CNTNAP2: variants seen among roughly 807,000 people sequenced by gnomAD.
CNTNAP2 encodes the protein contactin associated protein 2, also known as contactin-associated protein-like 2.
A neutral mutation model predicts 155.2 loss-of-function variants in CNTNAP2; 98 were observed. That is an observed-to-expected ratio of 0.63 (90% CI 0.54 to 0.75). The LOEUF (loss-of-function observed/expected upper bound fraction) is 0.75. Ranked by LOEUF, CNTNAP2 falls within the 30% of genes least tolerant of loss-of-function variation. CNTNAP2 has a pLI of 0.00. For synonymous variants in CNTNAP2, 651 were observed against 631.2 expected (o/e 1.03, Z -0.47); for missense variants, 1,727 against 1,688.1 (o/e 1.02, Z -0.40).
chr7:146,693,657 G>A (rs1318342790), intron 1 of CNTNAP2, among the ~76,000 whole-genome samples: 2 of 151,998 alleles, frequency 1.3e-5, no homozygotes, highest in Non-Finnish European at 2.9e-5. Context: ...ACTGACATTA[G>A]TATTTTTATC....
At chr7:147,011,444 A>AAG (rs1554424732) in intron 3 of CNTNAP2, among the ~76,000 whole-genome samples, 4,073 of 127,660 alleles carry the variant, frequency 0.032, 620 homozygotes, top group Middle Eastern at 0.08. Context: ...AAAAAAAAAA[A>AAG]GGAACAAGGT....
At chr7:146,677,210 A>G (rs1049123567) in intron 1 of CNTNAP2, among the ~76,000 whole-genome samples, 3 of 152,158 alleles carry the variant, frequency 2.0e-5, no homozygotes, top group African/African-American at 7.2e-5. Flanking sequence ...GAGGCTTCCA[A>G]ACTGGAAGTG....
At chr7:147,401,772 C>G (rs1796917862) in intron 10 of CNTNAP2, among the ~76,000 whole-genome samples, 3 of 152,140 alleles carry the variant, frequency 2.0e-5, no homozygotes, top group South Asian at 4.1e-4. Context: ...TTCACTCACT[C>G]TCTCTCCTGC....
At chr7:147,910,912 C>T (rs2116763603) in intron 14 of CNTNAP2, among the ~76,000 whole-genome samples, 1 of 152,250 alleles carries the variant, frequency 6.6e-6, no homozygotes, top group South Asian at 2.1e-4. Flanking sequence ...CACCTGTGTA[C>T]TATATACAGC....
intron 1 of CNTNAP2, among the ~76,000 whole-genome samples, chr7:146,473,374 G>C (rs1290974206): frequency 6.6e-6 from 1 of 152,036 alleles, no homozygotes; most frequent in African/African-American, 2.4e-5. Context: ...ATGCTTTTCT[G>C]GCTTTTTTCT....
At chr7:146,760,680 C>T (rs1802082350) in intron 1 of CNTNAP2, among the ~76,000 whole-genome samples, 1 of 151,928 alleles carries the variant, frequency 6.6e-6, no homozygotes, top group Non-Finnish European at 1.5e-5. Flanking sequence ...CTGACTTGTC[C>T]TCCCAAAGTG....
chr7:147,800,369 T>G (rs969684177), intron 13 of CNTNAP2, among the ~76,000 whole-genome samples: 2 of 152,114 alleles, frequency 1.3e-5, no homozygotes, highest in African/African-American at 2.4e-5. Flanking sequence ...AAATGAGATT[T>G]TTTTTTTGAC....
chr7:147,042,887 A>C (rs1480777019), intron 3 of CNTNAP2, among the ~76,000 whole-genome samples: 1 of 152,120 alleles, frequency 6.6e-6, no homozygotes, highest in Non-Finnish European at 1.5e-5. Context: ...AGATAATTTA[A>C]ATAAATCGAA....
intron 1 of CNTNAP2, among the ~76,000 whole-genome samples, chr7:146,239,785 AG>A (rs1286245390): frequency 4.6e-5 from 7 of 152,360 alleles, no homozygotes; most frequent in African/African-American, 1.7e-4. Flanking sequence ...ATATCAGGCA[AG>A]CACTAGAAAA....
intron 4 of CNTNAP2, among the ~76,000 whole-genome samples, chr7:147,068,770 T>C (rs1238088544): frequency 6.6e-6 from 1 of 152,252 alleles, no homozygotes; most frequent in Non-Finnish European, 1.5e-5. Flanking sequence ...GCCTGTCCTA[T>C]GGACTTCAGA....
intron 1 of CNTNAP2, among the ~76,000 whole-genome samples, chr7:146,507,515 G>C (rs1238518180): frequency 6.6e-6 from 1 of 152,168 alleles, no homozygotes; most frequent in Admixed American, 6.5e-5. Flanking sequence ...GAGCCAAATG[G>C]AGCACAAATG....
chr7:147,595,137 A>T (rs1800804216), intron 12 of CNTNAP2, among the ~76,000 whole-genome samples: 1 of 152,172 alleles, frequency 6.6e-6, no homozygotes, highest in African/African-American at 2.4e-5. Flanking sequence ...TAAGATAGGG[A>T]GACACATAAG....
intron 10 of CNTNAP2, among the ~76,000 whole-genome samples, chr7:147,416,606 C>T (rs1002086115): frequency 2.0e-5 from 3 of 152,028 alleles, no homozygotes; most frequent in South Asian, 2.1e-4. Context: ...TTCGTTGGCT[C>T]GATTTATCTT....
intron 1 of CNTNAP2, among the ~76,000 whole-genome samples, chr7:146,411,657 G>A (rs1795866329): frequency 1.3e-5 from 2 of 151,990 alleles, no homozygotes; most frequent in African/African-American, 2.4e-5. Context: ...GGTTATAATA[G>A]TTCCAACCGT....
intron 1 of CNTNAP2, among the ~76,000 whole-genome samples, chr7:146,231,820 C>T (rs1453533527): frequency 6.6e-6 from 1 of 152,192 alleles, no homozygotes; most frequent in African/African-American, 2.4e-5. Flanking sequence ...TGGAAAGGAA[C>T]TGCACATGTG....
chr7:147,888,718 A>G (rs1389900118), intron 13 of CNTNAP2, among the ~76,000 whole-genome samples: 2 of 114,766 alleles, frequency 1.7e-5, no homozygotes, highest in African/African-American at 5.3e-5. Flanking sequence ...ACCCTGAAGA[A>G]ACAAACTATT....
intron 1 of CNTNAP2, among the ~76,000 whole-genome samples, chr7:146,524,387 T>TC (rs1797658148): frequency 6.6e-6 from 1 of 152,116 alleles, no homozygotes; most frequent in South Asian, 2.1e-4. Context: ...CATTTTTTTT[T>TC]CTATGTCTGT....
intron 1 of CNTNAP2, among the ~76,000 whole-genome samples, chr7:146,356,256 T>G (rs369249050): frequency 5.3e-5 from 8 of 152,210 alleles, no homozygotes; most frequent in African/African-American, 1.9e-4. Flanking sequence ...TTTATAATTC[T>G]AACAATCTTT....
rs114579677 is a variant in CNTNAP2, at chr7:147,453,600, C to T, written c.1671-32335C>T. 3.2e-3 allele frequency among the ~76,000 whole-genome samples: 487 copies of T among 152,208 alleles called. 3 individuals are homozygous for T. The highest frequency in any genetic ancestry group is 0.011 in the African/African-American group (463 of 41,524). ...CTACATTTCAAAAGAGAATAAACCT[C>T]AATTCAGATTATTTAAGTGACTTGT... On this transcript the variant is annotated intron_variant, in intron 10 of 23. Coordinates refer to ENST00000361727, the MANE Select transcript of CNTNAP2 (RefSeq NM_014141.6).
Sources: allele counts gnomAD v4.1 joint callset (sites outside exome capture counted in the v4.1 genomes callset), GRCh38; gene constraint gnomAD v4.1.1; transcripts MANE v1.5; gene names NCBI Gene and HGNC (gene_info 2026-07-23, HGNC 2026-07-21).